The following AAAS variants were observed in gnomAD, a reference collection of about 807,000 sequenced individuals.
AAAS encodes the protein aladin WD repeat nucleoporin.
A neutral mutation model predicts 75.6 loss-of-function variants in AAAS; 60 were observed. That is an observed-to-expected ratio of 0.79 (90% CI 0.64 to 0.98). The LOEUF is 0.98. Ranked by LOEUF, AAAS falls within the 50% of genes least tolerant of loss-of-function variation. AAAS has a pLI of 0.00. For synonymous variants in AAAS, 271 were observed against 265.0 expected (o/e 1.02, Z -0.22); for missense variants, 658 against 686.9 (o/e 0.96, Z 0.47).
At position 53,308,820 on chromosome 12, in the gene AAAS, G is replaced by T. The variant is rs1944338094; in HGVS notation, c.997-5C>A. 1.9e-6 allele frequency: 3 copies of T among 1,613,950 alleles called. No homozygotes were observed. Among genetic ancestry groups the T allele is most frequent in the East Asian group, 4.5e-5 (2 of 44,890 alleles). On this transcript the variant is annotated splice_polypyrimidine_tract_variant and splice_region_variant and intron_variant, in intron 10 of 15. Transcript: ENST00000209873. ...ATCTGGGCTCCAGCAGCCAGTCTGGGGTCAGGGAGCAAAAGGCAGGAGAAG... is the reference window on the plus strand; with the variant it reads ...ATCTGGGCTCCAGCAGCCAGTCTGGTGTCAGGGAGCAAAAGGCAGGAGAAG...
At chr12:53,312,670 T>C (rs910915441) in intron 7 of AAAS, among the ~76,000 whole-genome samples, 2 of 151,970 alleles carry the variant, frequency 1.3e-5, no homozygotes, top group African/African-American at 2.4e-5. Context: ...CCCGTATCTA[T>C]ATCTTTCCAC....
At chr12:53,316,764 C>CAAAA (rs34520642) in intron 2 of AAAS, among the ~76,000 whole-genome samples, 853 of 74,916 alleles carry the variant, frequency 0.011, no homozygotes, top group Middle Eastern at 0.023. Context: ...CCATCTCAGA[C>CAAAA]AAAAAAAAAA....
chr12:53,312,303 C>A (rs1170711033), intron 7 of AAAS, among the ~76,000 whole-genome samples: 1 of 151,332 alleles, frequency 6.6e-6, no homozygotes, highest in Non-Finnish European at 1.5e-5. Flanking sequence ...CCACAGGGCA[C>A]GGTGGCTCAC....
intron 2 of AAAS, among the ~76,000 whole-genome samples, chr12:53,317,126 T>C (rs1944474368): frequency 6.7e-6 from 1 of 150,034 alleles, no homozygotes. Context: ...AATAAATCAG[T>C]TAAGAATCTA....
intron 7 of AAAS, among the ~76,000 whole-genome samples, chr12:53,312,736 G>A (rs1209013021): frequency 1.3e-5 from 2 of 149,256 alleles, no homozygotes; most frequent in Non-Finnish European, 3.0e-5. Flanking sequence ...CTAACCAAGA[G>A]GTTTTCTTCT....
At chr12:53,320,480 G>T in intron 2 of AAAS, 85 bp downstream of exon 2, 1 of 1,588,116 alleles carries the variant, frequency 6.3e-7, no homozygotes, top group East Asian at 2.2e-5. Context: ...AAAGTCTTTT[G>T]AAGAACACCC....
At chr12:53,315,498 A>T (rs1257066707) in intron 3 of AAAS, 72 bp from the exon 4 acceptor site, 1 of 1,410,482 alleles carries the variant, frequency 7.1e-7, no homozygotes, top group East Asian at 2.4e-5. Flanking sequence ...TAGGTGAAAG[A>T]CAAGGAAGGA....
At position 53,307,566 on chromosome 12, in the gene AAAS, A is replaced by C; in HGVS notation, c.1564T>G (p.Ser522Ala). ...IHDLPLFTET[S>A]PTSAPWDPLP... ...GGGTCCCAAGGGGCAGAGGTTGGGG[A>C]TGTCTCAGTAAAGAGGGGCAGGTCA... Residue 522 changes from serine to alanine, a missense_variant, in exon 16 of 16, where the codon TCC (serine) becomes GCC (alanine). By Grantham distance (99) the Ser-to-Ala change is moderately conservative. Transcript: ENST00000209873. 5.0e-6 allele frequency: 8 copies of C among 1,614,166 alleles called. No homozygotes were observed. Among genetic ancestry groups the C allele is most frequent in the Non-Finnish European group, 6.8e-6 (8 of 1,180,006 alleles).
intron 7 of AAAS, among the ~76,000 whole-genome samples, chr12:53,310,929 G>C (rs1282753828): frequency 6.6e-6 from 1 of 152,092 alleles, no homozygotes; most frequent in Non-Finnish European, 1.5e-5. Flanking sequence ...TGACTTGTTT[G>C]TAATTTTTTA....
rs1197806750 is a variant in AAAS, at chr12:53,308,942, A to G, written c.996+18T>C. 1.9e-6 allele frequency: 3 copies of G among 1,614,186 alleles called. No homozygotes were observed. Among genetic ancestry groups the G allele is most frequent in the Non-Finnish European group, 2.5e-6 (3 of 1,180,030 alleles). ...ATCATCTCCTCCCCAGTGTCTGTGA[A>G]TCAGAGTCCCCTCTTACCTGACAGC... On this transcript the variant is annotated intron_variant, in intron 10 of 15. Coordinates refer to ENST00000209873, the MANE Select transcript of AAAS (RefSeq NM_015665.6).
chr12:53,312,862 A>ATAT (rs1565780124), intron 7 of AAAS, among the ~76,000 whole-genome samples: 1 of 135,232 alleles, frequency 7.4e-6, no homozygotes, highest in African/African-American at 2.8e-5. Context: ...ATATATATAT[A>ATAT]TTTTTTTTTT....
intron 6 of AAAS, 42 bp downstream of exon 6, chr12:53,314,709 G>T: frequency 6.3e-7 from 1 of 1,584,990 alleles, no homozygotes; most frequent in Non-Finnish European, 8.6e-7. Context: ...AAGGGAAGGT[G>T]ATATTGACAA....
intron 2 of AAAS, among the ~76,000 whole-genome samples, chr12:53,319,122 T>C (rs1186746748): frequency 6.6e-6 from 1 of 152,096 alleles, no homozygotes; most frequent in Non-Finnish European, 1.5e-5. Flanking sequence ...CAGATGAACA[T>C]ACCCTCTGAG....
At chr12:53,309,544 A>C in intron 8 of AAAS, 57 bp downstream of exon 8, 1 of 1,612,214 alleles carries the variant, frequency 6.2e-7, no homozygotes. Context: ...TCCACAACCG[A>C]GTGAGGAACA....
rs1374807279 is a variant in AAAS, at chr12:53,315,369, G to A, written c.365C>T (p.Ser122Phe). ...GGGGAACAGGGACCCATGGAGGGAA[G>A]AGGCCCATCGACAGAGTGCCAGGGC... ...GWALALCRWA[S>F]SLHGSLFPHL... The change falls in exon 4 of 16, where the codon TCT becomes TTT. Residue 122 changes from serine to phenylalanine, a missense_variant. Ser to Phe is a radical substitution (Grantham distance 155). Coordinates refer to ENST00000209873, the MANE Select transcript of AAAS (RefSeq NM_015665.6). 11 of 1,614,178 alleles carry A rather than the reference G, an allele frequency of 6.8e-6. No homozygotes were observed. The highest frequency in any genetic ancestry group is 9.3e-6 in the Non-Finnish European group (11 of 1,180,044).
chr12:53,315,720 T>A lies in AAAS; in HGVS notation c.307+7A>T. On this transcript the variant is annotated splice_region_variant and intron_variant, in intron 3 of 15. Transcript: ENST00000209873. Reference sequence around the variant, plus strand: ...AACTAGGGAAGGCTGGAGGGAAAAATACTTACCCTCTTCTTCTGAGTTTGC... The same window carrying A: ...AACTAGGGAAGGCTGGAGGGAAAAAAACTTACCCTCTTCTTCTGAGTTTGC... 6.2e-7 allele frequency: 1 copy of A among 1,613,332 alleles called. No individual in the cohort carries two copies.
At chr12:53,315,821 C>T (rs773891914) in intron 2 of AAAS, 39 bp from the exon 3 acceptor site, 15 of 1,601,842 alleles carry the variant, frequency 9.4e-6, no homozygotes, top group Non-Finnish European at 1.3e-5. Flanking sequence ...TTACTCTGAT[C>T]CCCTCTGTCC....
At chr12:53,312,766 TATACACGTATAC>T (rs1430777760) in intron 7 of AAAS, among the ~76,000 whole-genome samples, 5 of 150,244 alleles carry the variant, frequency 3.3e-5, no homozygotes, top group Non-Finnish European at 7.4e-5. Context: ...TATATACGTA[TATACACGTATAC>T]ATACACGTAT....
Position 53,309,914 on chromosome 12 carries a change from C to G in AAAS, c.690-193G>C, listed in dbSNP as rs186071726. 27 of 815,084 alleles carry G rather than the reference C, an allele frequency of 3.3e-5. No homozygotes were observed. The Admixed American group carries it at 6.1e-4, about 18-fold the overall frequency. The allele number at this position is 815,084 out of a possible 1,614,324, so 50.5% of individuals were successfully genotyped here. A position where few individuals can be genotyped will look rare whatever the true frequency, so the allele number is the denominator to read the frequency against. On this transcript the variant is annotated intron_variant, in intron 7 of 15. Transcript: ENST00000209873. ...GCGAAGGGGAAAAACGACCAAGTCA[C>G]CACGAGCAGGTCAACAGAGAAGAGG... is the stretch of plus-strand genomic sequence containing the variant.
Sources: allele counts gnomAD v4.1 joint callset (sites outside exome capture counted in the v4.1 genomes callset), GRCh38; gene constraint gnomAD v4.1.1; transcripts MANE v1.5; gene names NCBI Gene and HGNC (gene_info 2026-07-23, HGNC 2026-07-21).